Variants in GDPD4 observed in about 807,000 individuals in gnomAD.
GDPD4 encodes the protein glycerophosphodiester phosphodiesterase domain containing 4.
A neutral mutation model predicts 67.8 loss-of-function variants in GDPD4; 60 were observed. The observed-to-expected ratio is 0.88, with a 90% CI of 0.72 to 1.10. The LOEUF (loss-of-function observed/expected upper bound fraction) is 1.10, where lower values mean the gene tolerates loss of function less well. GDPD4 is among the 50% of genes least tolerant of loss of function. GDPD4 has a pLI of 0.00. For synonymous variants in GDPD4, 212 were observed against 210.9 expected, an observed-to-expected ratio of 1.00 and a Z score of -0.04; for missense variants, 623 against 613.9, an observed-to-expected ratio of 1.01 and a Z score of -0.16.
chr11:77,221,838 A>C (rs1276600214), intron 16 of GDPD4, among the ~76,000 whole-genome samples: 1 of 109,796 alleles, frequency 9.1e-6, no homozygotes, highest in Non-Finnish European at 1.9e-5. Flanking sequence ...GGGGTGTTAA[A>C]GTCTCCCATT....
At chr11:77,275,655 C>G (rs1959427154) in intron 5 of GDPD4, among the ~76,000 whole-genome samples, 1 of 152,132 alleles carries the variant, frequency 6.6e-6, no homozygotes, top group Admixed American at 6.6e-5. Context: ...TCCCCTGGAC[C>G]CCACTCAGGC....
At chr11:77,227,595 C>G (rs1004958589) in intron 16 of GDPD4, among the ~76,000 whole-genome samples, 6 of 152,202 alleles carry the variant, frequency 3.9e-5, no homozygotes, top group Non-Finnish European at 8.8e-5. Context: ...CTGTATGATA[C>G]ATGAATATAT....
chr11:77,277,684 C>A (rs1307143522), intron 4 of GDPD4, among the ~76,000 whole-genome samples: 2 of 151,862 alleles, frequency 1.3e-5, no homozygotes, highest in Non-Finnish European at 2.9e-5. Context: ...TTTTGTTGAT[C>A]TTTTCAAAAA....
At chr11:77,266,987 A>C (rs1395835254) in intron 10 of GDPD4, among the ~76,000 whole-genome samples, 1 of 152,194 alleles carries the variant, frequency 6.6e-6, no homozygotes, top group African/African-American at 2.4e-5. Context: ...AGGCCTTCCC[A>C]TTCACTTACC....
intron 10 of GDPD4, among the ~76,000 whole-genome samples, chr11:77,263,303 T>C (rs1307477274): frequency 1.3e-5 from 2 of 152,200 alleles, no homozygotes; most frequent in South Asian, 2.1e-4. Context: ...AGGTTCGTGA[T>C]AGCACCAGGT....
chr11:77,265,111 A>C (rs1260524447), intron 10 of GDPD4, among the ~76,000 whole-genome samples: 1 of 152,126 alleles, frequency 6.6e-6, no homozygotes, highest in East Asian at 1.9e-4. Context: ...ATAGCTCAGG[A>C]AACTATACAA....
At chr11:77,240,840 C>T (rs1407228738) in intron 13 of GDPD4, among the ~76,000 whole-genome samples, 1 of 152,164 alleles carries the variant, frequency 6.6e-6, no homozygotes. Context: ...TATCACTAAT[C>T]ATCAGGGAAA....
chr11:77,271,476 C>A (rs1404368611), intron 5 of GDPD4, 83 bp from the exon 6 acceptor site: 2 of 794,792 alleles, frequency 2.5e-6, no homozygotes, highest in Non-Finnish European at 4.3e-6. Context: ...TGTGTGTCTT[C>A]ACAATGTCAG....
intron 2 of GDPD4, among the ~76,000 whole-genome samples, chr11:77,285,917 T>C (rs1310942637): frequency 1.3e-5 from 2 of 152,230 alleles, no homozygotes; most frequent in East Asian, 3.8e-4. Flanking sequence ...GAAGTCTCCC[T>C]GTGTTAGTTT....
intron 16 of GDPD4, among the ~76,000 whole-genome samples, chr11:77,223,227 C>G (rs1958261787): frequency 6.6e-6 from 1 of 152,184 alleles, no homozygotes; most frequent in Non-Finnish European, 1.5e-5. Context: ...GTCAGCTTGT[C>G]AAAGTCATTC....
Position 77,248,072 on chromosome 11 carries a change from G to A in GDPD4, c.865-2570C>T, listed in dbSNP as rs200803708. Among the ~76,000 whole-genome samples, 591 of 121,140 alleles carry A rather than the reference G, an allele frequency of 4.9e-3. 2 individuals carry two copies. The highest frequency in any genetic ancestry group is 8.2e-3 in the Middle Eastern group (2 of 244). The allele number at this position is 121,140 out of a possible 152,430, so 79.5% of individuals were successfully genotyped here. A position where few individuals can be genotyped will look rare whatever the true frequency, so the allele number is the denominator to read the frequency against. On this transcript the variant is annotated intron_variant, in intron 11 of 16. Coordinates refer to ENST00000315938, the MANE Select transcript of GDPD4 (RefSeq NM_182833.3). ...GTCTCAAAAAAAAAAAAAAAAAAAA[G>A]AAAAGAAAGAAAGAAATAGAAGGAC...
At chr11:77,253,162 C>G (rs1958938565) in intron 11 of GDPD4, among the ~76,000 whole-genome samples, 1 of 152,200 alleles carries the variant, frequency 6.6e-6, no homozygotes, top group South Asian at 2.1e-4. Flanking sequence ...TAGGCTGTAG[C>G]TGTGACTCCA....
intron 2 of GDPD4, among the ~76,000 whole-genome samples, chr11:77,286,366 C>T (rs1337475623): frequency 6.6e-6 from 1 of 152,150 alleles, no homozygotes; most frequent in Non-Finnish European, 1.5e-5. Flanking sequence ...AGACTGAATT[C>T]CTTGAGAGCA....
intron 1 of GDPD4, among the ~76,000 whole-genome samples, chr11:77,297,732 G>A (rs1257584674): frequency 1.3e-5 from 2 of 152,072 alleles, no homozygotes; most frequent in Non-Finnish European, 2.9e-5. Flanking sequence ...ATCAATAGAC[G>A]TGAAGAACTT....
rs533169307 is a variant in GDPD4, at chr11:77,228,431, C to T, written c.1473-515G>A. ...AGGAGAATCGCTTGAACCCAGGAGG[C>T]GGAGGTTGCAGTGAGCCGAGATCGT... On this transcript the variant is annotated intron_variant, in intron 15 of 16. Transcript: ENST00000315938. 9.4e-4 allele frequency among the ~76,000 whole-genome samples: 118 copies of T among 125,520 alleles called. No homozygotes were observed. In the South Asian group the frequency reaches 9.7e-3, roughly 10 times the overall value. 82.3% of individuals were successfully genotyped at this position (125,520 alleles called of 152,430 possible). A position where few individuals can be genotyped will look rare whatever the true frequency, so the allele number is the denominator to read the frequency against.
intron 13 of GDPD4, among the ~76,000 whole-genome samples, chr11:77,242,782 CA>C (rs1476668480): frequency 1.3e-5 from 2 of 151,654 alleles, no homozygotes; most frequent in Admixed American, 1.3e-4. Flanking sequence ...GAGAGTAAAA[CA>C]TATATAATTT....
chr11:77,264,564 G>A (rs1487648818), intron 10 of GDPD4, among the ~76,000 whole-genome samples: 1 of 152,070 alleles, frequency 6.6e-6, no homozygotes, highest in African/African-American at 2.4e-5. Flanking sequence ...CAAAAATGAA[G>A]GACTTCTCAA....
chr11:77,299,187 G>A (rs1442841868), intron 1 of GDPD4, among the ~76,000 whole-genome samples: 1 of 152,114 alleles, frequency 6.6e-6, no homozygotes, highest in Non-Finnish European at 1.5e-5. Flanking sequence ...CCACCCCACA[G>A]CTTCTCACCA....
At chr11:77,269,518 AG>A (rs559174643) in intron 8 of GDPD4, among the ~76,000 whole-genome samples, 41 of 152,308 alleles carry the variant, frequency 2.7e-4, no homozygotes, top group African/African-American at 9.9e-4. Context: ...CTGGGTTTAA[AG>A]CCAAGTTCTG....
Sources: gnomAD v4.1 joint callset for allele counts (sites outside exome capture counted in the v4.1 genomes callset) on GRCh38, gnomAD v4.1.1 for gene constraint, MANE v1.5 for transcripts, NCBI Gene and HGNC (gene_info 2026-07-23, HGNC 2026-07-21) for gene names.